DTNBP1: variants seen among roughly 807,000 people sequenced by gnomAD.
DTNBP1 encodes the protein dystrobrevin binding protein 1, also known as dysbindin.
In DTNBP1, 35 loss-of-function variants were observed where a neutral mutation model predicts 42.8. The ratio of observed to expected loss-of-function variants is 0.82; its 90% CI spans 0.63 to 1.09. The LOEUF is 1.09. DTNBP1 is among the 50% of genes least tolerant of loss of function. The pLI is 0.00. For synonymous variants in DTNBP1, 171 were observed against 162.2 expected (o/e 1.05, Z -0.41); for missense variants, 457 against 424.2 (o/e 1.08, Z -0.68).
At chr6:15,656,223 T>C (rs1488621735) in intron 1 of DTNBP1, among the ~76,000 whole-genome samples, 1 of 152,198 alleles carries the variant, frequency 6.6e-6, no homozygotes, top group East Asian at 1.9e-4. Context: ...ACAAAAGGCT[T>C]GCCCAGCCCT....
chr6:15,585,867 G>A (rs1776060047), intron 7 of DTNBP1: 20 of 1,429,634 alleles, frequency 1.4e-5, no homozygotes, highest in Non-Finnish European at 1.7e-5. Flanking sequence ...GTAGAACAAA[G>A]GAAGTGAGGC....
At chr6:15,642,340 C>T (rs1056362595) in intron 3 of DTNBP1, among the ~76,000 whole-genome samples, 2 of 152,168 alleles carry the variant, frequency 1.3e-5, no homozygotes, top group African/African-American at 4.8e-5. Context: ...AAGTGGATCA[C>T]GTTCCTGCCA....
At chr6:15,523,438 G>GA in intron 9 of DTNBP1, 1 of 1,274,488 alleles carries the variant, frequency 7.8e-7, no homozygotes, top group South Asian at 1.5e-5. Context: ...GTCCCCTAAG[G>GA]AGTCAGCCAC....
intron 3 of DTNBP1, among the ~76,000 whole-genome samples, chr6:15,642,426 G>A (rs1025984408): frequency 1.3e-5 from 2 of 152,000 alleles, no homozygotes; most frequent in African/African-American, 2.4e-5. Flanking sequence ...ATCTCTTCCC[G>A]CCACCATCCC....
chr6:15,622,570 T>C (rs1051410801), intron 5 of DTNBP1, among the ~76,000 whole-genome samples: 9 of 152,210 alleles, frequency 5.9e-5, no homozygotes, highest in Non-Finnish European at 1.3e-4. Flanking sequence ...CAACTTAGGA[T>C]GCATATACAT....
chr6:15,647,703 A>T (rs894644834), intron 3 of DTNBP1, among the ~76,000 whole-genome samples: 1 of 151,904 alleles, frequency 6.6e-6, no homozygotes, highest in Non-Finnish European at 1.5e-5. Flanking sequence ...GAAGTGGACA[A>T]ATTCCCACAA....
chr6:15,593,655 C>T (rs1163581365), intron 6 of DTNBP1, among the ~76,000 whole-genome samples: 1 of 152,144 alleles, frequency 6.6e-6, no homozygotes. Context: ...AGTAAGGATG[C>T]CAAAACACAA....
chr6:15,615,484 T>C, intron 5 of DTNBP1, 85 bp from the exon 6 acceptor site: 18 of 1,551,670 alleles, frequency 1.2e-5, no homozygotes, highest in Non-Finnish European at 1.5e-5. Flanking sequence ...AGGTAAAAGT[T>C]CACATTGTTG....
chr6:15,625,157 T>A (rs1375319582), intron 5 of DTNBP1, among the ~76,000 whole-genome samples: 2 of 152,164 alleles, frequency 1.3e-5, no homozygotes, highest in African/African-American at 4.8e-5. Flanking sequence ...TTACTAATTA[T>A]AAATATCAGG....
chr6:15,646,105 A>C (rs1760664336), intron 3 of DTNBP1, among the ~76,000 whole-genome samples: 1 of 152,028 alleles, frequency 6.6e-6, no homozygotes, highest in Non-Finnish European at 1.5e-5. Context: ...TTCAACATAC[A>C]AAAGCAATGT....
intron 7 of DTNBP1, among the ~76,000 whole-genome samples, chr6:15,583,545 T>C (rs1775927493): frequency 6.6e-6 from 1 of 152,222 alleles, no homozygotes; most frequent in Admixed American, 6.5e-5. Context: ...GACAAAATCA[T>C]GAAGCTCCAT....
intron 6 of DTNBP1, among the ~76,000 whole-genome samples, chr6:15,610,417 T>C (rs951002580): frequency 1.3e-5 from 2 of 152,108 alleles, no homozygotes; most frequent in South Asian, 2.1e-4. Flanking sequence ...CCCAATAATA[T>C]TGAAATCAGG....
At chr6:15,556,772 T>TTC (rs374705047) in intron 7 of DTNBP1, among the ~76,000 whole-genome samples, 4 of 151,736 alleles carry the variant, frequency 2.6e-5, no homozygotes, top group East Asian at 1.9e-4. Context: ...TTCCCTTCCC[T>TTC]TCTCTCTCTC....
At chr6:15,530,668 CG>C (rs1231335053) in intron 8 of DTNBP1, among the ~76,000 whole-genome samples, 1 of 152,072 alleles carries the variant, frequency 6.6e-6, no homozygotes, top group Non-Finnish European at 1.5e-5. Flanking sequence ...ATCATCCTCT[CG>C]GGGGTGCATC....
chr6:15,536,233 ATAAG>A (rs144149777), intron 7 of DTNBP1, among the ~76,000 whole-genome samples: 4,386 of 152,366 alleles, frequency 0.029, 85 homozygotes, highest in South Asian at 0.052. Flanking sequence ...AGAAATTTGC[ATAAG>A]TAATAAGGAG....
intron 6 of DTNBP1, among the ~76,000 whole-genome samples, chr6:15,602,462 A>G (rs1776768333): frequency 6.6e-6 from 1 of 152,250 alleles, no homozygotes; most frequent in East Asian, 1.9e-4. Flanking sequence ...GGGTAATATC[A>G]TGGTTTTAGC....
intron 7 of DTNBP1, among the ~76,000 whole-genome samples, chr6:15,567,489 CAAACA>C (rs1162186268): frequency 1.6e-4 from 23 of 144,514 alleles, no homozygotes; most frequent in African/African-American, 3.1e-4. Context: ...AACAAACAAA[CAAACA>C]AACCTTGGTC....
rs1001166048 is a variant in DTNBP1 at position 15,606,999 on chromosome 6, G to C, written c.488+8268C>G. Among the ~76,000 whole-genome samples, 5 of 147,930 alleles carry C rather than the reference G, an allele frequency of 3.4e-5. No individual in the cohort carries two copies. The East Asian group carries it at 8.0e-4, about 24-fold the overall frequency. ...GAGCAAGTAAGTTGTGAAATGCTGA[G>C]TCAAAAAAAAATTTTTTTTTTTTTT... On this transcript the variant is annotated intron_variant, in intron 6 of 9. Coordinates refer to ENST00000344537, the MANE Select transcript of DTNBP1 (RefSeq NM_032122.5).
At chr6:15,535,867 C>A (rs1773199163) in intron 7 of DTNBP1, among the ~76,000 whole-genome samples, 2 of 152,198 alleles carry the variant, frequency 1.3e-5, no homozygotes, top group Admixed American at 1.3e-4. Context: ...GAAGTCCAGA[C>A]TGAGGTGGTC....
Sources: gnomAD v4.1 joint callset for allele counts (sites outside exome capture counted in the v4.1 genomes callset) on GRCh38, gnomAD v4.1.1 for gene constraint, MANE v1.5 for transcripts, NCBI Gene and HGNC (gene_info 2026-07-23, HGNC 2026-07-21) for gene names.